Variants in PAK5 observed in about 807,000 individuals in gnomAD.
PAK5 encodes the protein serine/threonine-protein kinase PAK 5.
In PAK5, 16 loss-of-function variants were observed where a neutral mutation model predicts 65.9. The observed-to-expected ratio is 0.24, with a 90% CI of 0.16 to 0.37. PAK5 has a LOEUF of 0.37. Among genes scored for constraint, PAK5 ranks in the 10% least tolerant of loss-of-function variants. The pLI is 1.00. For synonymous variants in PAK5, 371 were observed against 354.9 expected, an observed-to-expected ratio of 1.05 and a Z score of -0.51; for missense variants, 785 against 903.9, an observed-to-expected ratio of 0.87 and a Z score of 1.69.
chr20:9,827,349 T>G (rs1181291044), intron 1 of PAK5, among the ~76,000 whole-genome samples: 2 of 152,220 alleles, frequency 1.3e-5, no homozygotes, highest in Non-Finnish European at 2.9e-5. Flanking sequence ...ATATTTTGCC[T>G]TGAGTGGCCT....
chr20:9,755,527 C>T (rs1248702478), intron 1 of PAK5, among the ~76,000 whole-genome samples: 2 of 152,106 alleles, frequency 1.3e-5, no homozygotes, highest in Non-Finnish European at 1.5e-5. Context: ...AAAGTTTATG[C>T]CATGAAGATG....
At chr20:9,605,247 C>A (rs904452406) in intron 3 of PAK5, among the ~76,000 whole-genome samples, 1 of 152,178 alleles carries the variant, frequency 6.6e-6, no homozygotes, top group Non-Finnish European at 1.5e-5. Context: ...CATTGCCTGG[C>A]ATTTCTGGGC....
rs1440904920 is a variant in PAK5 at position 9,542,618 on chromosome 20, T to C, written c.1972A>G (p.Ser658Gly). Reference protein sequence around the residue: ...PLQAMRRIRDSLPPRVKDLHK... With the variant: ...PLQAMRRIRDGLPPRVKDLHK... ...AGGTCCTTCACTCTTGGAGGTAAAC[T>C]GTCCCGGATCCTCCGCATCGCCTGG... Residue 658 changes from serine to glycine, a missense_variant, in exon 9 of 10, where the codon AGT becomes GGT. Physicochemically the swap from Ser to Gly is moderately conservative, Grantham distance 56. This residue lies in a region of PAK5 where 110 missense variants were observed against 107.4 expected (regional missense o/e 1.02). Coordinates refer to ENST00000353224, the MANE Select transcript of PAK5 (RefSeq NM_177990.4). 6.2e-7 allele frequency: 1 copy of C among 1,613,912 alleles called. No homozygotes were observed. Among genetic ancestry groups the C allele is most frequent in the Non-Finnish European group, 8.5e-7 (1 of 1,179,932 alleles).
intron 3 of PAK5, among the ~76,000 whole-genome samples, chr20:9,640,861 G>A (rs1184985405): frequency 6.6e-6 from 1 of 152,138 alleles, no homozygotes; most frequent in Non-Finnish European, 1.5e-5. Flanking sequence ...AGATCTTCAC[G>A]GTGAGTGTTA....
At chr20:9,605,623 C>T (rs2046439603) in intron 3 of PAK5, among the ~76,000 whole-genome samples, 1 of 152,156 alleles carries the variant, frequency 6.6e-6, no homozygotes, top group African/African-American at 2.4e-5. Flanking sequence ...ATTGCTTCCC[C>T]ACTGGGTTAA....
chr20:9,751,568 A>T (rs1396258961), intron 1 of PAK5, among the ~76,000 whole-genome samples: 1 of 152,162 alleles, frequency 6.6e-6, no homozygotes, highest in South Asian at 2.1e-4. Context: ...GAGGCTCTGA[A>T]CACTGAGGCC....
chr20:9,641,791 T>G (rs1600185893), intron 3 of PAK5, among the ~76,000 whole-genome samples: 1 of 152,256 alleles, frequency 6.6e-6, no homozygotes, highest in East Asian at 1.9e-4. Context: ...GGGCCGGCAC[T>G]GCTGGGGGAC....
chr20:9,745,598 T>C (rs1184415625), intron 1 of PAK5, among the ~76,000 whole-genome samples: 2 of 152,150 alleles, frequency 1.3e-5, no homozygotes, highest in Non-Finnish European at 2.9e-5. Flanking sequence ...CATGCGTTGA[T>C]CTTACACTTC....
chr20:9,741,645 G>T (rs2123587349), intron 1 of PAK5, among the ~76,000 whole-genome samples: 1 of 152,222 alleles, frequency 6.6e-6, no homozygotes, highest in East Asian at 1.9e-4. Context: ...ATTCTGAGGA[G>T]AAAATGTGAC....
At chr20:9,786,464 T>C (rs925323686) in intron 1 of PAK5, among the ~76,000 whole-genome samples, 11 of 152,122 alleles carry the variant, frequency 7.2e-5, no homozygotes, top group Non-Finnish European at 1.0e-4. Flanking sequence ...GAGCAAACAC[T>C]TTCCCCTTTC....
chr20:9,761,630 C>T (rs1249835917), intron 1 of PAK5, among the ~76,000 whole-genome samples: 2 of 152,090 alleles, frequency 1.3e-5, no homozygotes, highest in African/African-American at 4.8e-5. Context: ...CACCATACTT[C>T]CCAATTTAAA....
At chr20:9,601,824 G>A (rs2046364623) in intron 3 of PAK5, among the ~76,000 whole-genome samples, 2 of 152,092 alleles carry the variant, frequency 1.3e-5, no homozygotes, top group Admixed American at 1.3e-4. Flanking sequence ...ATGCCAAGAG[G>A]CGTCCAGAAC....
At chr20:9,646,871 C>T (rs982258761) in intron 2 of PAK5, among the ~76,000 whole-genome samples, 1 of 152,222 alleles carries the variant, frequency 6.6e-6, no homozygotes, top group Non-Finnish European at 1.5e-5. Flanking sequence ...AGCAACTAGT[C>T]GACCCTGAGA....
chr20:9,834,441 G>T (rs1381167364), intron 1 of PAK5, among the ~76,000 whole-genome samples: 1 of 152,112 alleles, frequency 6.6e-6, no homozygotes, highest in Admixed American at 6.6e-5. Context: ...CCAGGAACTT[G>T]TCGCCTTATA....
At chr20:9,725,363 TTTGA>T (rs1201400798) in intron 1 of PAK5, among the ~76,000 whole-genome samples, 7 of 152,088 alleles carry the variant, frequency 4.6e-5, no homozygotes, top group Admixed American at 2.6e-4. Context: ...ACTTTTCTGC[TTTGA>T]TTGCATAAAA....
intron 1 of PAK5, among the ~76,000 whole-genome samples, chr20:9,802,272 G>C (rs1462997871): frequency 6.6e-6 from 1 of 152,086 alleles, no homozygotes. Flanking sequence ...ATCATGTGAG[G>C]TTAGCTAGGT....
chr20:9,803,942 A>G (rs2049201389), intron 1 of PAK5, among the ~76,000 whole-genome samples: 1 of 152,188 alleles, frequency 6.6e-6, no homozygotes, highest in Non-Finnish European at 1.5e-5. Context: ...TAAAGGCAAC[A>G]ATTAACATGG....
intron 1 of PAK5, among the ~76,000 whole-genome samples, chr20:9,737,331 C>A (rs527691314): frequency 3.3e-5 from 5 of 151,930 alleles, no homozygotes; most frequent in Non-Finnish European, 7.4e-5. Context: ...TAGAACTAAC[C>A]AAAAGAAAGT....
At chr20:9,587,277 C>T (rs1368073405) in intron 3 of PAK5, among the ~76,000 whole-genome samples, 4 of 152,100 alleles carry the variant, frequency 2.6e-5, no homozygotes, top group African/African-American at 9.7e-5. Flanking sequence ...ATGTGGGAGA[C>T]TTTAAAGTAC....
Sources: allele counts gnomAD v4.1 joint callset (sites outside exome capture counted in the v4.1 genomes callset), GRCh38; gene constraint gnomAD v4.1.1; regional missense constraint gnomAD v4.1.1; transcripts MANE v1.5; gene names NCBI Gene and HGNC (gene_info 2026-07-23, HGNC 2026-07-21).